The following GNAO1 variants were observed in gnomAD, a reference collection of about 807,000 sequenced individuals.
GNAO1 encodes the protein guanine nucleotide-binding protein G(o) subunit alpha.
For missense variants in GNAO1, 166 were observed against 478.7 expected (o/e 0.35, Z 6.10); for synonymous variants, 164 against 180.7 (o/e 0.91, Z 0.74).
chr16:56,202,916 C>A (rs2036293229), intron 2 of GNAO1, among the ~76,000 whole-genome samples: 1 of 152,208 alleles, frequency 6.6e-6, no homozygotes, highest in South Asian at 2.1e-4. Flanking sequence ...CCCAGAGGAA[C>A]CGGGTAATAA....
At chr16:56,352,655 T>C (rs2037935251) in intron 7 of GNAO1, 1 of 152,308 alleles carries the variant, frequency 6.6e-6, no homozygotes, top group Non-Finnish European at 1.5e-5. Context: ...AGGTCGATGC[T>C]GGTCTCCCCA....
chr16:56,352,428 C>T (rs1939687015), intron 7 of GNAO1: 1 of 152,460 alleles, frequency 6.6e-6, no homozygotes, highest in Admixed American at 6.5e-5. Context: ...TTCTAGGGGT[C>T]CCTGGGGTAG....
chr16:56,213,002 C>T (rs753195985), intron 2 of GNAO1, among the ~76,000 whole-genome samples: 7 of 152,222 alleles, frequency 4.6e-5, no homozygotes, highest in South Asian at 4.1e-4. Flanking sequence ...TGGGCAGAGA[C>T]GTCCCCAGGA....
intron 6 of GNAO1, chr16:56,340,839 C>T (rs781025484): frequency 1.2e-6 from 2 of 1,613,594 alleles, no homozygotes; most frequent in South Asian, 1.1e-5. Context: ...TGCAGAACCG[C>T]ATGCACGAAT....
At chr16:56,221,623 G>A (rs1199156759) in intron 2 of GNAO1, among the ~76,000 whole-genome samples, 3 of 135,354 alleles carry the variant, frequency 2.2e-5, no homozygotes, top group African/African-American at 8.4e-5. Flanking sequence ...GCACTCTGCA[G>A]CCTGGGTGAC....
At chr16:56,277,308 C>T (rs76698000) in intron 3 of GNAO1, among the ~76,000 whole-genome samples, 143 of 152,200 alleles carry the variant, frequency 9.4e-4, no homozygotes, top group African/African-American at 3.3e-3. Flanking sequence ...CCTGGAAGGC[C>T]GGCTTTGGGT....
At chr16:56,280,126 A>G (rs2037100802) in intron 3 of GNAO1, among the ~76,000 whole-genome samples, 2 of 152,274 alleles carry the variant, frequency 1.3e-5, no homozygotes, top group Non-Finnish European at 2.9e-5. Flanking sequence ...ATTCAAAGGC[A>G]TGTGAGTTGG....
chr16:56,305,179 CCA>C (rs2037381690), intron 3 of GNAO1, among the ~76,000 whole-genome samples: 2 of 152,154 alleles, frequency 1.3e-5, no homozygotes, highest in African/African-American at 4.8e-5. Flanking sequence ...TACCTAGTGC[CCA>C]TCTCAACGTA....
intron 3 of GNAO1, chr16:56,276,673 A>G (rs2037064143): frequency 6.6e-6 from 1 of 152,298 alleles, no homozygotes; most frequent in Non-Finnish European, 1.5e-5. Flanking sequence ...TACTATATAA[A>G]AGCCTCTAAT....
chr16:56,278,137 C>G (rs1435600293), intron 3 of GNAO1, among the ~76,000 whole-genome samples: 1 of 152,164 alleles, frequency 6.6e-6, no homozygotes, highest in African/African-American at 2.4e-5. Context: ...ATTTCCCAGT[C>G]AAGTCAGCCT....
intron 3 of GNAO1, among the ~76,000 whole-genome samples, chr16:56,324,022 G>A (rs1173431322): frequency 1.3e-5 from 2 of 152,170 alleles, no homozygotes; most frequent in African/African-American, 4.8e-5. Context: ...AGCGGGAAGG[G>A]CGGGGGGCCA....
intron 2 of GNAO1, among the ~76,000 whole-genome samples, chr16:56,252,411 GGAGAGCAGTTCAGAT>G (rs1435559856): frequency 6.6e-6 from 1 of 152,214 alleles, no homozygotes; most frequent in Non-Finnish European, 1.5e-5. Flanking sequence ...TGGGTTGCAA[GGAGAGCAGTTCAGAT>G]GAGGTGGGCA....
At position 56,311,195 on chromosome 16, in the gene GNAO1, G is replaced by A. The variant is rs2037454957; in HGVS notation, c.304-17436G>A. Among the ~76,000 whole-genome samples the A allele has an allele frequency of 6.6e-6, 1 of 150,930 alleles. No individual in the cohort carries two copies. Among genetic ancestry groups the A allele is most frequent in the Non-Finnish European group, 1.5e-5 (1 of 67,760 alleles). On this transcript the variant is annotated intron_variant, in intron 3 of 8. Coordinates refer to ENST00000262493, the MANE Select transcript of GNAO1 (RefSeq NM_020988.3). This position sits in a 1 kb window ranked among gnomAD's most constrained non-coding sequence, Gnocchi z 5.2. ...CTTGGGGGTGGAGATGGGGGAGAGA[G>A]GCATGGAAGGGGGTAAGAGGAGTGA...
intron 2 of GNAO1, among the ~76,000 whole-genome samples, chr16:56,212,104 C>T (rs11647331): frequency 0.05 from 7,610 of 152,050 alleles, 290 homozygotes; most frequent in Non-Finnish European, 0.073. Flanking sequence ...GAAGTCCTGT[C>T]GGGACTACTT....
intron 6 of GNAO1, chr16:56,340,714 G>A (rs1373497045): frequency 1.3e-5 from 11 of 834,102 alleles, no homozygotes; most frequent in East Asian, 2.4e-5. Flanking sequence ...TCTCCGTCCC[G>A]GTGGTGCATC....
At position 56,354,519 on chromosome 16, in the gene GNAO1, T is replaced by C. The variant is rs1328118034; in HGVS notation, c.878-347T>C. ...GGTGAAACCCCGTCTCTACTAAAAA[T>C]ACAAAAATTAGCTGGGCGTGGTGGC... On this transcript the variant is annotated intron_variant, in intron 7 of 8. Coordinates refer to ENST00000262493, the MANE Select transcript of GNAO1 (RefSeq NM_020988.3). This position sits in a 1 kb window ranked among gnomAD's most constrained non-coding sequence, Gnocchi z 4.3. Among the ~76,000 whole-genome samples the C allele has an allele frequency of 1.3e-5, 2 of 151,840 alleles. No homozygotes were observed. Among genetic ancestry groups the C allele is most frequent in the African/African-American group, 4.8e-5 (2 of 41,324 alleles).
chr16:56,331,740 C>T (rs1378473303), intron 4 of GNAO1, among the ~76,000 whole-genome samples: 1 of 152,224 alleles, frequency 6.6e-6, no homozygotes, highest in Non-Finnish European at 1.5e-5. Flanking sequence ...GTGACCTTCT[C>T]CTGTCTCGTT....
chr16:56,196,437 T>G (rs1186472766), intron 2 of GNAO1, among the ~76,000 whole-genome samples: 3 of 152,386 alleles, frequency 2.0e-5, no homozygotes, highest in East Asian at 3.9e-4. Flanking sequence ...TTTTATTTAA[T>G]TGCCAAACCC....
chr16:56,241,708 G>C (rs1014134278), intron 2 of GNAO1, among the ~76,000 whole-genome samples: 3 of 152,242 alleles, frequency 2.0e-5, no homozygotes, highest in African/African-American at 7.2e-5. Flanking sequence ...GAGGGTAATG[G>C]AGTGACTCAA....
Sources: allele counts gnomAD v4.1 joint callset (sites outside exome capture counted in the v4.1 genomes callset), GRCh38; gene constraint gnomAD v4.1.1; non-coding constraint Gnocchi (gnomAD v3.1); transcripts MANE v1.5; gene names NCBI Gene and HGNC (gene_info 2026-07-23, HGNC 2026-07-21).